MECOM: variants seen among roughly 807,000 people sequenced by gnomAD.
The protein encoded by MECOM is histone-lysine N-methyltransferase MECOM.
In MECOM, 13 loss-of-function variants were observed where a neutral mutation model predicts 116.3. The observed-to-expected ratio is 0.11, with a 90% CI of 0.07 to 0.18. The LOEUF (loss-of-function observed/expected upper bound fraction) is 0.18, where lower values mean the gene tolerates loss of function less well. MECOM is among the 10% of genes least tolerant of loss of function. The probability of loss-of-function intolerance (pLI) is 1.00; values close to 1 mark genes in which losing one functional copy is unlikely to be tolerated. For synonymous variants in MECOM, 528 were observed against 535.2 expected, an observed-to-expected ratio of 0.99 and a Z score of 0.19; for missense variants, 1,299 against 1,509.0, an observed-to-expected ratio of 0.86 and a Z score of 2.31.
intron 2 of MECOM, among the ~76,000 whole-genome samples, chr3:169,246,895 T>C (rs1050461590): frequency 2.6e-5 from 4 of 152,194 alleles, no homozygotes; most frequent in Non-Finnish European, 5.9e-5. Flanking sequence ...CTTTAAGCAA[T>C]ATCATTCTAT....
At chr3:169,646,249 A>C (rs1774165208) in intron 1 of MECOM, among the ~76,000 whole-genome samples, 1 of 144,100 alleles carries the variant, frequency 6.9e-6, no homozygotes, top group African/African-American at 2.6e-5. Context: ...ATAGGTGTGA[A>C]TTGAACAATG....
intron 1 of MECOM, among the ~76,000 whole-genome samples, chr3:169,395,302 T>C (rs1734853132): frequency 6.6e-6 from 1 of 152,174 alleles, no homozygotes; most frequent in South Asian, 2.1e-4. Flanking sequence ...TGTGTTGAGT[T>C]GAAAACATCA....
intron 2 of MECOM, among the ~76,000 whole-genome samples, chr3:169,289,536 T>C (rs1714076017): frequency 6.6e-6 from 1 of 152,214 alleles, no homozygotes; most frequent in Admixed American, 6.5e-5. Flanking sequence ...ATTAACATGC[T>C]TTCAAAACAA....
chr3:169,398,965 G>C (rs950524646), intron 1 of MECOM, among the ~76,000 whole-genome samples: 1 of 152,138 alleles, frequency 6.6e-6, no homozygotes, highest in African/African-American at 2.4e-5. Context: ...TCTGTTAAGG[G>C]TTCCCACTCT....
chr3:169,428,856 T>C lies in MECOM; in HGVS notation c.38-47332A>G, dbSNP rs549436708. Among the ~76,000 whole-genome samples, 9 of 152,162 alleles carry C rather than the reference T, an allele frequency of 5.9e-5. No individual in the cohort carries two copies. The East Asian group carries it at 1.4e-3, about 23-fold the overall frequency. ...TCTGGGTTTTCACCCTGACATCACC[T>C]GGAAGTCTCTGTGCTAGGCACTGGG... On this transcript the variant is annotated intron_variant, in intron 1 of 16. Transcript: ENST00000651503.
At chr3:169,155,192 A>C (rs1459025439) in intron 2 of MECOM, among the ~76,000 whole-genome samples, 2 of 152,190 alleles carry the variant, frequency 1.3e-5, no homozygotes, top group Non-Finnish European at 2.9e-5. Context: ...ACTTAACACT[A>C]TTCCCCCTTA....
At position 169,411,239 on chromosome 3, in the gene MECOM, T is replaced by C. The variant is rs559627887; in HGVS notation, c.38-29715A>G. 4.0e-5 allele frequency among the ~76,000 whole-genome samples: 6 copies of C among 151,254 alleles called. No homozygotes were observed. In the East Asian group the frequency reaches 1.2e-3, roughly 30 times the overall value. On this transcript the variant is annotated intron_variant, in intron 1 of 16. Coordinates refer to ENST00000651503, the MANE Select transcript of MECOM (RefSeq NM_004991.4). Reference sequence around the variant, plus strand: ...ATGACACTATTGCCAGAAAAAAAAATGTTTGGCAAAACTCTTTGCTTTCTA... The same window carrying C: ...ATGACACTATTGCCAGAAAAAAAAACGTTTGGCAAAACTCTTTGCTTTCTA...
chr3:169,398,003 C>T (rs1047757382), intron 1 of MECOM, among the ~76,000 whole-genome samples: 1 of 152,118 alleles, frequency 6.6e-6, no homozygotes, highest in Non-Finnish European at 1.5e-5. Flanking sequence ...TAGTGAACTG[C>T]TAGCAAAGAG....
intron 2 of MECOM, among the ~76,000 whole-genome samples, chr3:169,358,514 C>T (rs1030036445): frequency 2.0e-5 from 3 of 149,364 alleles, no homozygotes; most frequent in Non-Finnish European, 4.4e-5. Context: ...AACTGTATGC[C>T]TTCTTTAGAG....
At chr3:169,191,734 AAGAAAG>A (rs3076637) in intron 2 of MECOM, among the ~76,000 whole-genome samples, 18,792 of 72,926 alleles carry the variant, frequency 0.26, 1,841 homozygotes, top group Middle Eastern at 0.35. Flanking sequence ...GAAAGAAAGA[AAGAAAG>A]AGAAAGAAAG....
chr3:169,118,266 G>A (rs552614648), intron 7 of MECOM, among the ~76,000 whole-genome samples: 1 of 152,236 alleles, frequency 6.6e-6, no homozygotes, highest in African/African-American at 2.4e-5. Context: ...ATATCAAAGT[G>A]TTTGGTAATA....
chr3:169,328,408 G>T (rs1722196771), intron 2 of MECOM, among the ~76,000 whole-genome samples: 1 of 152,152 alleles, frequency 6.6e-6, no homozygotes, highest in Non-Finnish European at 1.5e-5. Context: ...CTATTTGCTT[G>T]CTCAGTGCAA....
chr3:169,549,513 A>G (rs1208377264), intron 1 of MECOM, among the ~76,000 whole-genome samples: 2 of 152,154 alleles, frequency 1.3e-5, no homozygotes, highest in African/African-American at 4.8e-5. Context: ...CAGTTCTCAA[A>G]GCTTTGAAAC....
intron 2 of MECOM, among the ~76,000 whole-genome samples, chr3:169,189,748 T>A (rs1217040340): frequency 1.3e-5 from 2 of 152,100 alleles, no homozygotes; most frequent in Non-Finnish European, 2.9e-5. Context: ...ATTAAATTCC[T>A]GATTGTTTGA....
Position 169,425,103 on chromosome 3 carries a change from C to CT in MECOM, c.38-43580_38-43579insA, listed in dbSNP as rs538141724. The stretch of plus-strand genomic sequence containing the variant: ...ATTTAGTGTTCATTTGCAGAAACCC[C>CT]CCCCCACTTGCATGTGCCTCAGATA... On this transcript the variant is annotated intron_variant, in intron 1 of 16. Coordinates refer to ENST00000651503, the MANE Select transcript of MECOM (RefSeq NM_004991.4). Among the ~76,000 whole-genome samples the CT allele has an allele frequency of 1.6e-3, 246 of 149,832 alleles. 3 individuals are homozygous for CT. Among genetic ancestry groups the CT allele is most frequent in the African/African-American group, 5.2e-3 (212 of 40,612 alleles).
At chr3:169,322,896 G>C (rs917524757) in intron 2 of MECOM, among the ~76,000 whole-genome samples, 1 of 131,906 alleles carries the variant, frequency 7.6e-6, no homozygotes, top group Non-Finnish European at 1.6e-5. Context: ...TACGTGGGAG[G>C]CTGAGGCAGG....
In MECOM at chr3:169,574,929, A is replaced by C. The variant is rs1380618743; in HGVS notation, c.37+88407T>G. 5.3e-5 allele frequency among the ~76,000 whole-genome samples: 8 copies of C among 152,324 alleles called. No homozygotes were observed. The East Asian group carries it at 1.5e-3, about 29-fold the overall frequency. Reference sequence around the variant, plus strand: ...CTGGAAAGACATCTACAGAACACCCAAAAAGCATAATCTTTCCGAAGCGCT... The same window carrying C: ...CTGGAAAGACATCTACAGAACACCCCAAAAGCATAATCTTTCCGAAGCGCT... On this transcript the variant is annotated intron_variant, in intron 1 of 16. Transcript: ENST00000651503.
chr3:169,112,173 T>G (rs1193125587), intron 9 of MECOM, among the ~76,000 whole-genome samples: 2 of 152,186 alleles, frequency 1.3e-5, no homozygotes, highest in Non-Finnish European at 1.5e-5. Flanking sequence ...GACTTTAGGA[T>G]GAACCAATTA....
At chr3:169,561,456 A>G (rs1253988759) in intron 1 of MECOM, among the ~76,000 whole-genome samples, 1 of 152,216 alleles carries the variant, frequency 6.6e-6, no homozygotes, top group African/African-American at 2.4e-5. Flanking sequence ...TCACAAAAGC[A>G]TACTGTTGAT....
Sources: gnomAD v4.1 joint callset for allele counts (sites outside exome capture counted in the v4.1 genomes callset) on GRCh38, gnomAD v4.1.1 for gene constraint, MANE v1.5 for transcripts, NCBI Gene and HGNC (gene_info 2026-07-23, HGNC 2026-07-21) for gene names.